PRKN: variants seen among roughly 807,000 people sequenced by gnomAD.
PRKN encodes the protein parkin RBR E3 ubiquitin protein ligase.
In PRKN, 56 loss-of-function variants were observed where a neutral mutation model predicts 59.5. The ratio of observed to expected loss-of-function variants is 0.94; its 90% confidence interval spans 0.76 to 1.18. The LOEUF is 1.18. PRKN is among the 50% of genes most tolerant of loss of function. The probability of loss-of-function intolerance (pLI) is 0.00; values close to 1 mark genes in which losing one functional copy is unlikely to be tolerated. For missense variants in PRKN, 657 were observed against 596.4 expected, an observed-to-expected ratio of 1.10 and a Z score of -1.06; for synonymous variants, 250 against 222.1, an observed-to-expected ratio of 1.13 and a Z score of -1.12.
At chr6:162,200,281 G>A (rs1784670380) in intron 4 of PRKN, among the ~76,000 whole-genome samples, 1 of 151,956 alleles carries the variant, frequency 6.6e-6, no homozygotes, top group Non-Finnish European at 1.5e-5. Context: ...AAATCCCTTG[G>A]AGCCACCGAG....
chr6:161,772,184 C>T (rs1038394590), intron 7 of PRKN, among the ~76,000 whole-genome samples: 1 of 152,016 alleles, frequency 6.6e-6, no homozygotes, highest in Non-Finnish European at 1.5e-5. Flanking sequence ...TTGAACCTGT[C>T]TGCACCAGGA....
At chr6:162,013,039 T>C (rs1782796609) in intron 5 of PRKN, among the ~76,000 whole-genome samples, 1 of 152,190 alleles carries the variant, frequency 6.6e-6, no homozygotes, top group East Asian at 1.9e-4. Flanking sequence ...TTACCAGTTT[T>C]AGTATCCATT....
intron 1 of PRKN, among the ~76,000 whole-genome samples, chr6:162,463,221 C>A (rs931276018): frequency 1.3e-5 from 2 of 152,092 alleles, no homozygotes; most frequent in Non-Finnish European, 2.9e-5. Flanking sequence ...TGAGAATGTT[C>A]CTAACCTATT....
chr6:161,692,379 G>A (rs1332758738), intron 7 of PRKN, among the ~76,000 whole-genome samples: 1 of 152,170 alleles, frequency 6.6e-6, no homozygotes, highest in Non-Finnish European at 1.5e-5. Flanking sequence ...AATGACCACT[G>A]AGCACGTCAT....
chr6:161,496,860 G>T (rs6914971), intron 9 of PRKN, among the ~76,000 whole-genome samples: 44,047 of 152,100 alleles, frequency 0.29, 6,498 homozygotes, highest in Middle Eastern at 0.37. Flanking sequence ...AAGGATTGCT[G>T]GCAAACACCA....
At chr6:161,706,165 T>C (rs1786483451) in intron 7 of PRKN, among the ~76,000 whole-genome samples, 1 of 152,192 alleles carries the variant, frequency 6.6e-6, no homozygotes, top group African/African-American at 2.4e-5. Context: ...CCTGTCCTAA[T>C]GCACTCAACA....
chr6:161,803,629 A>G (rs113034447), intron 6 of PRKN, among the ~76,000 whole-genome samples: 4 of 152,310 alleles, frequency 2.6e-5, no homozygotes, highest in African/African-American at 9.6e-5. Context: ...AGAAGGCTGG[A>G]CGTAGTGTCA....
At chr6:162,673,274 A>G (rs1779404279) in intron 1 of PRKN, among the ~76,000 whole-genome samples, 1 of 152,212 alleles carries the variant, frequency 6.6e-6, no homozygotes, top group Admixed American at 6.5e-5. Flanking sequence ...TGCCCAGAAC[A>G]GCACCTGCCA....
At chr6:161,394,806 C>T (rs1305542089) in intron 9 of PRKN, among the ~76,000 whole-genome samples, 1 of 152,182 alleles carries the variant, frequency 6.6e-6, no homozygotes, top group African/African-American at 2.4e-5. Context: ...TAAGGTGGTC[C>T]TCCTGACAAT....
intron 1 of PRKN, among the ~76,000 whole-genome samples, chr6:162,725,246 A>G (rs1020570806): frequency 6.6e-6 from 1 of 152,246 alleles, no homozygotes; most frequent in Non-Finnish European, 1.5e-5. Flanking sequence ...AGCTTTGAGA[A>G]GCACTCTTAC....
At chr6:162,015,159 G>A (rs573462549) in intron 5 of PRKN, among the ~76,000 whole-genome samples, 2 of 152,234 alleles carry the variant, frequency 1.3e-5, no homozygotes, top group African/African-American at 2.4e-5. Context: ...CTAGTGAAGT[G>A]GTGGGGAAGG....
intron 8 of PRKN, among the ~76,000 whole-genome samples, chr6:161,565,201 T>C (rs1780595065): frequency 6.6e-6 from 1 of 152,194 alleles, no homozygotes; most frequent in Non-Finnish European, 1.5e-5. Context: ...CTCTTGTTTT[T>C]GTTACATTTT....
intron 7 of PRKN, among the ~76,000 whole-genome samples, chr6:161,638,029 T>A (rs545797959): frequency 6.6e-6 from 1 of 152,332 alleles, no homozygotes; most frequent in South Asian, 2.1e-4. Context: ...TGGGCCAGGG[T>A]ATTTTTTTTC....
intron 6 of PRKN, among the ~76,000 whole-genome samples, chr6:161,844,883 A>T (rs754793627): frequency 6.6e-6 from 1 of 152,256 alleles, no homozygotes; most frequent in Non-Finnish European, 1.5e-5. Context: ...GGAATATCTC[A>T]TAAGTTAAGG....
chr6:161,651,824 T>G (rs1228876714), intron 7 of PRKN, among the ~76,000 whole-genome samples: 1 of 152,156 alleles, frequency 6.6e-6, no homozygotes, highest in African/African-American at 2.4e-5. Flanking sequence ...TCACACACCC[T>G]TACCAAGAGC....
intron 4 of PRKN, among the ~76,000 whole-genome samples, chr6:162,114,134 G>C (rs781203407): frequency 1.2e-4 from 18 of 152,100 alleles, no homozygotes; most frequent in Admixed American, 2.0e-4. Context: ...AGTATAGTTT[G>C]AAGTCAGGTA....
intron 1 of PRKN, among the ~76,000 whole-genome samples, chr6:162,528,052 G>A (rs1778356340): frequency 8.9e-6 from 1 of 112,908 alleles, no homozygotes; most frequent in African/African-American, 2.8e-5. Flanking sequence ...CAGCACTTTG[G>A]GAGGTCGGGG....
chr6:161,482,530 T>A (rs1028323292), intron 9 of PRKN, among the ~76,000 whole-genome samples: 3 of 152,254 alleles, frequency 2.0e-5, no homozygotes, highest in Non-Finnish European at 4.4e-5. Flanking sequence ...GTTTGAGAAC[T>A]GGCTTTTAAA....
intron 1 of PRKN, among the ~76,000 whole-genome samples, chr6:162,532,149 T>TC (rs1778540419): frequency 6.6e-6 from 1 of 152,090 alleles, no homozygotes; most frequent in Non-Finnish European, 1.5e-5. Context: ...TTAAGGTATC[T>TC]CCCCCCAACT....
Sources: gnomAD v4.1 joint callset for allele counts (sites outside exome capture counted in the v4.1 genomes callset) on GRCh38, gnomAD v4.1.1 for gene constraint, MANE v1.5 for transcripts, NCBI Gene and HGNC (gene_info 2026-07-23, HGNC 2026-07-21) for gene names.